The following EYS variants were observed in gnomAD, a reference collection of about 807,000 sequenced individuals.
The protein encoded by EYS is protein eyes shut homolog.
Under a neutral mutation model 282.1 loss-of-function variants are expected in EYS, and 250 were observed. The observed-to-expected ratio is 0.89, with a 90% CI of 0.80 to 0.98. EYS has a LOEUF of 0.98. Ranked by LOEUF, EYS falls within the 50% of genes least tolerant of loss-of-function variation. The pLI is 0.00. For synonymous variants in EYS, 1,355 were observed against 1,282.9 expected (o/e 1.06, Z -1.20); for missense variants, 4,016 against 3,709.0 (o/e 1.08, Z -2.15).
At chr6:64,962,931 C>G (rs928204489) in intron 14 of EYS, among the ~76,000 whole-genome samples, 3 of 152,248 alleles carry the variant, frequency 2.0e-5, no homozygotes, top group African/African-American at 7.2e-5. Context: ...AATGTGTGCC[C>G]TTAGTCCTAT....
intron 28 of EYS, among the ~76,000 whole-genome samples, chr6:64,431,096 G>A (rs1774562984): frequency 6.6e-6 from 1 of 152,078 alleles, no homozygotes; most frequent in South Asian, 2.1e-4. Context: ...ACTTTAGGGA[G>A]AGAACCAACC....
chr6:65,023,981 T>C (rs1772323834), intron 13 of EYS, among the ~76,000 whole-genome samples: 1 of 152,168 alleles, frequency 6.6e-6, no homozygotes, highest in African/African-American at 2.4e-5. Flanking sequence ...AAACAGAACG[T>C]ACTAGTCAAG....
chr6:65,053,879 CA>C (rs1489569680), intron 13 of EYS, among the ~76,000 whole-genome samples: 1 of 151,728 alleles, frequency 6.6e-6, no homozygotes, highest in Non-Finnish European at 1.5e-5. Flanking sequence ...AAAAATTTAC[CA>C]ACTTAATCTT....
rs116351326 is a variant in EYS at position 64,342,221 on chromosome 6, C to A, written c.6079-35139G>T. Among the ~76,000 whole-genome samples, 362 of 151,408 alleles carry A rather than the reference C, an allele frequency of 2.4e-3. 2 individuals are homozygous for A. Among genetic ancestry groups the A allele is most frequent in the African/African-American group, 8.4e-3 (347 of 41,368 alleles). ...ACAAAAACGCATAAAATGTCTATTC[C>A]AATGTTTTAAAAATATAGTAATTTG... is the stretch of plus-strand genomic sequence containing the variant. On this transcript the variant is annotated intron_variant, in intron 29 of 42. Transcript: ENST00000503581.
intron 40 of EYS, among the ~76,000 whole-genome samples, chr6:63,775,841 G>C (rs1215812101): frequency 2.6e-5 from 4 of 152,024 alleles, no homozygotes; most frequent in Non-Finnish European, 5.9e-5. Context: ...GCTTTATTGA[G>C]GTATAATTTA....
chr6:64,420,296 G>A (rs780762655), intron 28 of EYS, among the ~76,000 whole-genome samples: 9 of 152,064 alleles, frequency 5.9e-5, no homozygotes, highest in Non-Finnish European at 1.2e-4. Flanking sequence ...AGCCGGGGGA[G>A]CCTGGGCCTG....
intron 5 of EYS, among the ~76,000 whole-genome samples, chr6:65,464,493 A>C (rs1433315330): frequency 6.6e-6 from 1 of 152,200 alleles, no homozygotes; most frequent in African/African-American, 2.4e-5. Context: ...ACTAAATGCC[A>C]AAGTTGAATC....
intron 14 of EYS, among the ~76,000 whole-genome samples, chr6:64,967,576 C>T (rs1448598145): frequency 6.6e-6 from 1 of 152,126 alleles, no homozygotes; most frequent in Non-Finnish European, 1.5e-5. Flanking sequence ...CCTCGGCCTC[C>T]CAAAGTGCTG....
intron 31 of EYS, among the ~76,000 whole-genome samples, chr6:64,089,221 G>A (rs1164939216): frequency 6.6e-6 from 1 of 151,158 alleles, no homozygotes; most frequent in Non-Finnish European, 1.5e-5. Flanking sequence ...TAAAATCTGT[G>A]ATTTAAATGA....
chr6:64,085,092 C>A (rs1490110050), intron 31 of EYS, among the ~76,000 whole-genome samples: 1 of 151,948 alleles, frequency 6.6e-6, no homozygotes. Context: ...TCACTGTAAC[C>A]CCCGCCTCCC....
intron 11 of EYS, among the ~76,000 whole-genome samples, chr6:65,321,364 A>G (rs919646242): frequency 3.3e-5 from 5 of 151,820 alleles, no homozygotes; most frequent in Non-Finnish European, 7.4e-5. Flanking sequence ...TGTACTTGCT[A>G]TTTTTCAAAA....
intron 35 of EYS, among the ~76,000 whole-genome samples, chr6:63,952,827 C>A (rs1165973799): frequency 6.6e-6 from 1 of 152,094 alleles, no homozygotes; most frequent in African/African-American, 2.4e-5. Flanking sequence ...CCTTACCATC[C>A]CATTAAAACC....
At chr6:65,269,968 A>G (rs868401438) in intron 12 of EYS, among the ~76,000 whole-genome samples, 7 of 152,260 alleles carry the variant, frequency 4.6e-5, no homozygotes, top group Admixed American at 3.9e-4. Context: ...CATGCAAAAT[A>G]TATTCAACTT....
At chr6:64,771,522 C>G (rs62415482) in intron 22 of EYS, among the ~76,000 whole-genome samples, 2 of 151,526 alleles carry the variant, frequency 1.3e-5, no homozygotes, top group Admixed American at 6.6e-5. Flanking sequence ...AAGTTTACTG[C>G]ATACATTTCA....
At chr6:64,253,843 C>T (rs1037858602) in intron 30 of EYS, among the ~76,000 whole-genome samples, 1 of 152,056 alleles carries the variant, frequency 6.6e-6, no homozygotes, top group African/African-American at 2.4e-5. Context: ...CCCCAAAAGA[C>T]TGTTCTGATG....
chr6:64,214,264 A>G (rs1765863950), intron 31 of EYS, among the ~76,000 whole-genome samples: 1 of 152,108 alleles, frequency 6.6e-6, no homozygotes, highest in South Asian at 2.1e-4. Context: ...GCACATGCTA[A>G]TTTGAATATG....
chr6:65,228,606 T>C (rs1766689628), intron 12 of EYS, among the ~76,000 whole-genome samples: 1 of 152,054 alleles, frequency 6.6e-6, no homozygotes, highest in African/African-American at 2.4e-5. Context: ...AGATATTAAT[T>C]CTCCACAAAT....
intron 26 of EYS, among the ~76,000 whole-genome samples, chr6:64,569,041 A>AAC (rs1215171537): frequency 6.6e-6 from 1 of 151,314 alleles, no homozygotes; most frequent in South Asian, 2.1e-4. Context: ...AAAAAAAAAA[A>AAC]AAACAGCAAA....
At chr6:64,310,774 A>AAG (rs571772869) in intron 29 of EYS, among the ~76,000 whole-genome samples, 2 of 29,170 alleles carry the variant, frequency 6.9e-5, no homozygotes, top group African/African-American at 1.3e-4. Flanking sequence ...GGTGAAAAAA[A>AAG]AGAGAGAGAG....
Sources: gnomAD v4.1 joint callset for allele counts (sites outside exome capture counted in the v4.1 genomes callset) on GRCh38, gnomAD v4.1.1 for gene constraint, MANE v1.5 for transcripts, NCBI Gene and HGNC (gene_info 2026-07-23, HGNC 2026-07-21) for gene names.